The following NDEL1 variants were observed in gnomAD, a reference collection of about 807,000 sequenced individuals.
NDEL1 encodes nudE neurodevelopment protein 1 like 1, also known as nuclear distribution protein nudE-like 1.
A neutral mutation model predicts 45.7 loss-of-function variants in NDEL1; 9 were observed. The observed-to-expected ratio is 0.20, with a 90% CI of 0.12 to 0.34. NDEL1 has a LOEUF of 0.34. Ranked by LOEUF, NDEL1 falls within the 10% of genes least tolerant of loss-of-function variation. NDEL1 has a pLI of 1.00. For missense variants in NDEL1, 306 were observed against 406.2 expected (o/e 0.75, Z 2.12); for synonymous variants, 133 against 158.6 (o/e 0.84, Z 1.21).
At chr17:8,429,355 C>T (rs937495712) in intron 1 of NDEL1, among the ~76,000 whole-genome samples, 1 of 152,244 alleles carries the variant, frequency 6.6e-6, no homozygotes, top group African/African-American at 2.4e-5. Context: ...ACTGTCCCTA[C>T]ACTCAGTGAG....
At chr17:8,442,870 A>C (rs1597531873) in intron 1 of NDEL1, among the ~76,000 whole-genome samples, 1 of 149,014 alleles carries the variant, frequency 6.7e-6, no homozygotes, top group African/African-American at 2.5e-5. Flanking sequence ...GCTCACTGCA[A>C]GCTCCGCCTC....
downstream of NDEL1, among the ~76,000 whole-genome samples, chr17:8,472,656 C>G (rs1276091375): frequency 2.6e-5 from 4 of 151,766 alleles, no homozygotes; most frequent in South Asian, 2.1e-4. Flanking sequence ...GAGCGCGACT[C>G]TGTCTCGGGA....
chr17:8,445,707 T>G lies in NDEL1; in HGVS notation c.87-4T>G. 1 of 1,590,782 alleles carries G rather than the reference T, an allele frequency of 6.3e-7. No homozygotes were observed. The highest frequency in any genetic ancestry group is 8.5e-7 in the Non-Finnish European group (1 of 1,172,056). On this transcript the variant is annotated splice_polypyrimidine_tract_variant and splice_region_variant and intron_variant, in intron 2 of 8. Coordinates refer to ENST00000334527, the MANE Select transcript of NDEL1 (RefSeq NM_030808.5). ...CTCGTCTTTCCCACTTTGTTTCTGA[T>G]TAGCTTCCAGGAAGCTCGGGATGAG...
At chr17:8,463,066 A>C in intron 8 of NDEL1, 2 of 321,078 alleles carry the variant, frequency 6.2e-6, no homozygotes, top group East Asian at 1.1e-4. Flanking sequence ...TGTTTCCTTC[A>C]ACCATGGTCA....
chr17:8,442,546 G>A (rs980660493), intron 1 of NDEL1, among the ~76,000 whole-genome samples: 8 of 151,998 alleles, frequency 5.3e-5, no homozygotes, highest in Admixed American at 4.6e-4. Flanking sequence ...GGCTCAAGCA[G>A]TCCTCCTGCC....
rs1477315118 is a variant in NDEL1, at chr17:8,465,439, C to T, written c.945-1491C>T. The T allele has an allele frequency of 1.3e-5, 2 of 152,168 alleles. No individual in the cohort carries two copies. The highest frequency in any genetic ancestry group is 2.4e-5 in the African/African-American group (1 of 41,424). The allele number at this position is 152,168 out of a possible 1,614,324, so 9.4% of individuals were successfully genotyped here. ...ATTTGTCAGAGCCTTTCTCCTGGGGCTCTTGGTCTCTGTATGCGTGGTTGG... is the reference window on the plus strand; with the variant it reads ...ATTTGTCAGAGCCTTTCTCCTGGGGTTCTTGGTCTCTGTATGCGTGGTTGG... On this transcript the variant is annotated intron_variant, in intron 8 of 8. Transcript: ENST00000334527. The surrounding 1 kb of genome is among the most constrained non-coding windows in gnomAD (Gnocchi z 4.9).
intron 3 of NDEL1, 81 bp from the exon 4 acceptor site, chr17:8,446,673 C>CA (rs1555560029): frequency 3.4e-5 from 50 of 1,478,208 alleles, no homozygotes; most frequent in East Asian, 2.3e-4. Context: ...GGTTCCCCCC[C>CA]ACCCTTTTAA....
chr17:8,461,535 G>A (rs918533580), intron 8 of NDEL1, among the ~76,000 whole-genome samples: 1 of 152,164 alleles, frequency 6.6e-6, no homozygotes, highest in African/African-American at 2.4e-5. Context: ...TTGCCGCCGC[G>A]CCCAGCTGAA....
intron 7 of NDEL1, among the ~76,000 whole-genome samples, chr17:8,457,283 T>C (rs980095160): frequency 1.1e-4 from 17 of 152,334 alleles, no homozygotes; most frequent in Admixed American, 1.1e-3. Context: ...CGCCCTCGAA[T>C]TTCTCTCCAT....
downstream of NDEL1, among the ~76,000 whole-genome samples, chr17:8,472,015 C>T (rs1232567559): frequency 6.6e-6 from 1 of 152,178 alleles, no homozygotes; most frequent in Non-Finnish European, 1.5e-5. Flanking sequence ...GAGGAGTCCT[C>T]ACCACTTCCT....
intron 3 of NDEL1, among the ~76,000 whole-genome samples, chr17:8,473,883 C>A (rs11650137): frequency 0.51 from 77,466 of 152,054 alleles, 20,703 homozygotes; most frequent in Middle Eastern, 0.62. Flanking sequence ...CCTGAAATGT[C>A]CTGGACCCCT....
At chr17:8,426,176 T>C (rs1355391867) in intron 1 of NDEL1, among the ~76,000 whole-genome samples, 1 of 152,246 alleles carries the variant, frequency 6.6e-6, no homozygotes, top group Non-Finnish European at 1.5e-5. Context: ...GAATTTAGCT[T>C]CTTTTGTTAA....
intron 1 of NDEL1, among the ~76,000 whole-genome samples, chr17:8,428,790 C>G (rs980540516): frequency 6.6e-6 from 1 of 152,064 alleles, no homozygotes. Flanking sequence ...TCTCCTGCCT[C>G]AGCCTCCCGA....
chr17:8,460,976 G>T (rs1597556288), intron 8 of NDEL1, among the ~76,000 whole-genome samples: 1 of 152,050 alleles, frequency 6.6e-6, no homozygotes, highest in Non-Finnish European at 1.5e-5. Context: ...GGTTGTATGA[G>T]TATGCCTTAA....
chr17:8,463,363 ATTTG>A (rs1190513667), intron 8 of NDEL1: 9 of 1,612,618 alleles, frequency 5.6e-6, no homozygotes, highest in African/African-American at 5.3e-5. Flanking sequence ...GGGTAACTGA[ATTTG>A]TTTGCTGTGC....
intron 6 of NDEL1, among the ~76,000 whole-genome samples, chr17:8,452,440 A>G (rs1033068665): frequency 2.6e-5 from 4 of 152,146 alleles, no homozygotes; most frequent in Non-Finnish European, 4.4e-5. Context: ...TGCCAACCCT[A>G]TGGCAGTAAT....
At chr17:8,448,780 A>G in intron 5 of NDEL1, 94 bp downstream of exon 5, 2 of 1,256,844 alleles carry the variant, frequency 1.6e-6, no homozygotes, top group Non-Finnish European at 2.2e-6. Context: ...TTTTCAACCA[A>G]ATGTGGATTG....
chr17:8,444,585 A>G (rs1205556274), intron 2 of NDEL1: 1 of 408,994 alleles, frequency 2.4e-6, no homozygotes, highest in African/African-American at 2.1e-5. Flanking sequence ...ACTGTCATTT[A>G]TGATTTCTTC....
chr17:8,445,974 A>C (rs1465668945), intron 3 of NDEL1, 110 bp downstream of exon 3: 1 of 1,147,872 alleles, frequency 8.7e-7, no homozygotes, highest in African/African-American at 1.6e-5. Flanking sequence ...GTTTGAAAAA[A>C]ACGCTTAAAG....
Sources: gnomAD v4.1 joint callset for allele counts (sites outside exome capture counted in the v4.1 genomes callset) on GRCh38, gnomAD v4.1.1 for gene constraint, Gnocchi (gnomAD v3.1) non-coding constraint, MANE v1.5 for transcripts, NCBI Gene and HGNC (gene_info 2026-07-23, HGNC 2026-07-21) for gene names.